MMP8: variants seen among roughly 807,000 people sequenced by gnomAD.
MMP8 encodes matrix metallopeptidase 8, also known as neutrophil collagenase.
MMP8 carries 67 observed loss-of-function variants against 51.2 expected under a neutral mutation model. The observed-to-expected ratio is 1.31, with a 90% CI of 1.08 to 1.60. MMP8 has a LOEUF of 1.60. Among genes scored for constraint, MMP8 ranks in the 40% most tolerant of loss-of-function variants. The pLI is 0.00. For missense variants in MMP8, 654 were observed against 558.1 expected, an observed-to-expected ratio of 1.17 and a Z score of -1.73; for synonymous variants, 225 against 191.0, an observed-to-expected ratio of 1.18 and a Z score of -1.47.
At chr11:102,722,400 A>T in intron 2 of MMP8, 29 bp downstream of exon 2, 1 of 1,610,416 alleles carries the variant, frequency 6.2e-7, no homozygotes, top group Non-Finnish European at 8.5e-7. Context: ...TGGATAAATG[A>T]GTGTATCCTG....
At chr11:102,722,992 T>C (rs1056826534) in intron 1 of MMP8, 20 of 1,309,078 alleles carry the variant, frequency 1.5e-5, no homozygotes, top group Admixed American at 4.5e-5. Flanking sequence ...AGGACTAACA[T>C]TAATTGACTT....
At position 102,716,422 on chromosome 11, in the gene MMP8, G is replaced by GC; in HGVS notation, c.785-4_785-3insG. 12 of 495,832 alleles carry GC rather than the reference G, an allele frequency of 2.4e-5. No individual in the cohort carries two copies. Among genetic ancestry groups the GC allele is most frequent in the East Asian group, 1.0e-4 (2 of 19,396 alleles). The allele number at this position is 495,832 out of a possible 1,614,324, so 30.7% of individuals were successfully genotyped here. A position where few individuals can be genotyped will look rare whatever the true frequency, so the allele number is the denominator to read the frequency against. On this transcript the variant is annotated splice_region_variant and splice_polypyrimidine_tract_variant and intron_variant, in intron 5 of 9. Coordinates refer to ENST00000236826, the MANE Select transcript of MMP8 (RefSeq NM_002424.3). ...TTGGATAGGGTTGCTTGAAAGTCCT[G>GC]GAAAAAAAAAAAAAAAAAAAAAAAA...
In MMP8 at chr11:102,712,754, T is replaced by A. The variant is rs1013540233; in HGVS notation, c.*594A>T. The A allele has an allele frequency of 1.3e-5, 2 of 152,240 alleles. No individual in the cohort carries two copies. The highest frequency in any genetic ancestry group is 2.9e-5 in the Non-Finnish European group (2 of 68,122). 9.4% of individuals were successfully genotyped at this position (152,240 alleles called of 1,614,324 possible). A position where few individuals can be genotyped will look rare whatever the true frequency, so the allele number is the denominator to read the frequency against. On this transcript the variant is annotated 3_prime_UTR_variant, in exon 10 of 10. Coordinates refer to ENST00000236826, the MANE Select transcript of MMP8 (RefSeq NM_002424.3). ...GTGATCTCACCTTAACTTAACTAAT[T>A]ACATCTGCAAAGACCCTGGTAAGCT...
Position 102,713,857 on chromosome 11 carries a change from T to A in MMP8, c.1191A>T (p.Arg397Ser), listed in dbSNP as rs371713091. 8 of 1,603,372 alleles carry A rather than the reference T, an allele frequency of 5.0e-6. No individual in the cohort carries two copies. Among genetic ancestry groups the A allele is most frequent in the South Asian group, 2.3e-5 (2 of 88,488 alleles). Residue 397 changes from arginine (R) to serine (S), a missense_variant and splice_region_variant, in exon 9 of 10, where the codon AGA (arginine) becomes AGT (serine). Transcript: ENST00000236826. ...CCATGAATTGTCTTTGGTTATCATA[T>A]CTGGTAAAAACAAAATGTTATCCGA... ...TYFFVNDQFW[R>S]YDNQRQFMEP...
intron 5 of MMP8, 78 bp downstream of exon 5, chr11:102,718,336 A>C: frequency 3.0e-4 from 410 of 1,378,938 alleles, no homozygotes; most frequent in Non-Finnish European, 3.7e-4. Context: ...GTGCAAAGGA[A>C]GAGATATTCA....
intron 6 of MMP8, 142 bp from the exon 7 acceptor site, chr11:102,715,579 C>A: frequency 9.1e-7 from 1 of 1,097,890 alleles, no homozygotes; most frequent in South Asian, 1.7e-5. Context: ...GTTCCTAGCA[C>A]AGTGACCAGC....
intron 7 of MMP8, among the ~76,000 whole-genome samples, 198 bp from the exon 8 acceptor site, chr11:102,714,907 G>T (rs1465233376): frequency 2.0e-5 from 3 of 151,202 alleles, no homozygotes; most frequent in East Asian, 1.9e-4. Flanking sequence ...GAGCCTTAAT[G>T]GTTCCCCAGA....
chr11:102,721,330 G>GTGTA (rs2134312300), intron 4 of MMP8, 71 bp downstream of exon 4: 1 of 1,562,718 alleles, frequency 6.4e-7, no homozygotes, highest in Non-Finnish European at 8.8e-7. Flanking sequence ...GTGTGTGTGT[G>GTGTA]TGTGTGTGTA....
In MMP8 at chr11:102,712,062, C is replaced by T. The variant is rs1861139364; in HGVS notation, c.*1286G>A. 1 of 152,120 alleles carries T rather than the reference C, an allele frequency of 6.6e-6. No individual in the cohort carries two copies. Among genetic ancestry groups the T allele is most frequent in the Admixed American group, 6.5e-5 (1 of 15,274 alleles). 9.4% of individuals were successfully genotyped at this position (152,120 alleles called of 1,614,324 possible). A position where few individuals can be genotyped will look rare whatever the true frequency, so the allele number is the denominator to read the frequency against. On this transcript the variant is annotated 3_prime_UTR_variant, in exon 10 of 10. Coordinates refer to ENST00000236826, the MANE Select transcript of MMP8 (RefSeq NM_002424.3). ...ACTTGGTCCCATAAATCCTATAGTT[C>T]TTAACAAAAAAACCCATCCGTTAGC...
intron 5 of MMP8, among the ~76,000 whole-genome samples, chr11:102,717,881 C>G (rs968339917): frequency 6.6e-6 from 1 of 152,112 alleles, no homozygotes; most frequent in Non-Finnish European, 1.5e-5. Flanking sequence ...CTGAGGTGGG[C>G]AGATCACTCG....
At chr11:102,713,878 T>C in intron 8 of MMP8, 21 bp from the exon 9 acceptor site, 1 of 1,574,246 alleles carries the variant, frequency 6.4e-7, no homozygotes, top group Non-Finnish European at 8.6e-7. Context: ...CAAAATGTTA[T>C]CCGATTTAAC....
chr11:102,716,473 G>T, intron 5 of MMP8, 54 bp from the exon 6 acceptor site: 2 of 1,179,002 alleles, frequency 1.7e-6, no homozygotes, highest in Non-Finnish European at 2.4e-6. Context: ...AGTAAGTCCG[G>T]TGTGACTCTT....
At chr11:102,723,473 C>T (rs764562373) in intron 1 of MMP8, 1 of 453,378 alleles carries the variant, frequency 2.2e-6, no homozygotes, top group Non-Finnish European at 4.4e-6. Context: ...GGCTGATTTT[C>T]TCTCACAATT....
At chr11:102,717,916 G>T (rs955885884) in intron 5 of MMP8, among the ~76,000 whole-genome samples, 1 of 152,156 alleles carries the variant, frequency 6.6e-6, no homozygotes, top group African/African-American at 2.4e-5. Flanking sequence ...AGACCAGCCT[G>T]GTCATTGTGG....
At chr11:102,720,606 G>A (rs1861440289) in intron 4 of MMP8, among the ~76,000 whole-genome samples, 1 of 152,096 alleles carries the variant, frequency 6.6e-6, no homozygotes, top group South Asian at 2.1e-4. Flanking sequence ...ATTTTGTGAA[G>A]TACCACATGG....
chr11:102,723,072 A>C (rs1202955915), intron 1 of MMP8: 2 of 1,288,298 alleles, frequency 1.6e-6, no homozygotes, highest in Admixed American at 4.6e-5. Flanking sequence ...GAAAAGGCTT[A>C]TTTATTCTGC....
intron 1 of MMP8, among the ~76,000 whole-genome samples, chr11:102,724,321 A>C (rs1861556930): frequency 6.6e-6 from 1 of 152,216 alleles, no homozygotes; most frequent in African/African-American, 2.4e-5. Flanking sequence ...AGTTCATTGT[A>C]ATCTACCATC....
Position 102,713,309 on chromosome 11 carries a change from A to T in MMP8, c.*39T>A, listed in dbSNP as rs1417264482. 1 of 1,417,628 alleles carries T rather than the reference A, an allele frequency of 7.1e-7. No individual in the cohort carries two copies. Among genetic ancestry groups the T allele is most frequent in the Non-Finnish European group, 1.0e-6 (1 of 1,002,386 alleles). The allele number at this position is 1,417,628 out of a possible 1,614,324, so 87.8% of individuals were successfully genotyped here. ...GAAAATGCTTGCTGAACTTCCCTTC[A>T]ACATTCTGAAAGTGGATACAGCCAC... On this transcript the variant is annotated 3_prime_UTR_variant, in exon 10 of 10. Transcript: ENST00000236826.
chr11:102,721,827 A>T (rs1861482887), intron 2 of MMP8, 65 bp from the exon 3 acceptor site: 1 of 1,565,294 alleles, frequency 6.4e-7, no homozygotes, highest in South Asian at 1.2e-5. Context: ...TCAACTGATG[A>T]GTTGTTCTGT....
Sources: gnomAD v4.1 joint callset for allele counts (sites outside exome capture counted in the v4.1 genomes callset) on GRCh38, gnomAD v4.1.1 for gene constraint, MANE v1.5 for transcripts, NCBI Gene and HGNC (gene_info 2026-07-23, HGNC 2026-07-21) for gene names.